Variants in DHX32 observed in about 807,000 individuals in gnomAD.
DHX32 encodes putative pre-mRNA-splicing factor ATP-dependent RNA helicase DHX32.
DHX32 carries 51 observed loss-of-function variants against 70.0 expected under a neutral mutation model. That is an observed-to-expected ratio of 0.73 (90% CI 0.58 to 0.92). The LOEUF (loss-of-function observed/expected upper bound fraction) is 0.92. Ranked by LOEUF, DHX32 falls within the 40% of genes least tolerant of loss-of-function variation. The pLI is 0.00. For missense variants in DHX32, 762 were observed against 891.8 expected (o/e 0.85, Z 1.85); for synonymous variants, 310 against 315.3 (o/e 0.98, Z 0.18).
At chr10:125,880,144 A>G (rs1944308452) in intron 1 of DHX32, among the ~76,000 whole-genome samples, 1 of 152,290 alleles carries the variant, frequency 6.6e-6, no homozygotes, top group South Asian at 2.1e-4. Context: ...GCACATCCAC[A>G]TATCTGGATT....
intron 6 of DHX32, among the ~76,000 whole-genome samples, chr10:125,846,782 A>T (rs1392209259): frequency 1.3e-5 from 2 of 152,198 alleles, no homozygotes; most frequent in African/African-American, 2.4e-5. Context: ...CAGCTTCTCA[A>T]ATAGAATCAA....
rs1944313390 is a variant in DHX32, at chr10:125,880,886, C to G, written c.-62G>C. 8 of 1,548,496 alleles carry G rather than the reference C, an allele frequency of 5.2e-6. No homozygotes were observed. Among genetic ancestry groups the G allele is most frequent in the Non-Finnish European group, 7.0e-6 (8 of 1,149,608 alleles). On this transcript the variant is annotated 5_prime_UTR_variant, in exon 1 of 11. Transcript: ENST00000284690. ...CAAGCAAGTTTCTCCTATCAGTAAC[C>G]CATTGCAAACAGGGCTTAAAAGCCT... is the stretch of plus-strand genomic sequence containing the variant.
rs1425617813 is a variant in DHX32 at position 125,859,669 on chromosome 10, G to A, written c.783C>T (p.Arg261=). Residue 261 remains arginine (R), a synonymous_variant, in exon 3 of 11, where the codon CGC becomes CGT. Transcript: ENST00000284690. ...CCGAGTGGTGAATTTCAAAGATAAG[G>A]CGTAAAATAGACTCAAAAGAATCCT... ...AQKDSFESIL[R]LIFEIHHSGE... is the part of the protein sequence containing the mutation. The A allele has an allele frequency of 6.2e-7, 1 of 1,612,770 alleles. No homozygotes were observed. The highest frequency in any genetic ancestry group is 8.5e-7 in the Non-Finnish European group (1 of 1,179,676).
Position 125,859,769 on chromosome 10 carries a change from TAAG to T in DHX32, c.680_682del (p.Ser227del). On this transcript the variant is annotated inframe_deletion, in exon 3 of 11. Coordinates refer to ENST00000284690, the MANE Select transcript of DHX32 (RefSeq NM_018180.3). Reference sequence around the variant, plus strand: ...TTCTATGACAGGCACGTTTCCATAATAAGAATTGAGTTTGCTGATCAGGTGAGG... The same window carrying T: ...TTCTATGACAGGCACGTTTCCATAATAATTGAGTTTGCTGATCAGGTGAGG... The T allele has an allele frequency of 6.2e-7, 1 of 1,614,088 alleles. No individual in the cohort carries two copies. Among genetic ancestry groups the T allele is most frequent in the Non-Finnish European group, 8.5e-7 (1 of 1,179,996 alleles).
At chr10:125,843,513 G>A (rs1854937030) in intron 6 of DHX32, among the ~76,000 whole-genome samples, 1 of 152,088 alleles carries the variant, frequency 6.6e-6, no homozygotes, top group Admixed American at 6.6e-5. Context: ...TCGGGAGGTT[G>A]AGGCAGGAGA....
chr10:125,838,408 G>A (rs1205506448), intron 9 of DHX32, 21 bp from the exon 10 acceptor site: 5 of 1,541,206 alleles, frequency 3.2e-6, no homozygotes, highest in African/African-American at 1.4e-5. Context: ...GAATTTTAAA[G>A]AAAAAAGATT....
intron 4 of DHX32, 101 bp from the exon 5 acceptor site, chr10:125,852,743 A>G (rs893794024): frequency 1.2e-5 from 13 of 1,040,984 alleles, no homozygotes; most frequent in Non-Finnish European, 1.1e-5. Context: ...TACTCCATGA[A>G]ATGCACTGCC....
chr10:125,891,353 C>CT lies in DHX32; in HGVS notation c.-248+4864dup, dbSNP rs33930520. Among the ~76,000 whole-genome samples the CT allele has an allele frequency of 1.2e-3, 167 of 134,728 alleles. 1 individual carries two copies. The highest frequency in any genetic ancestry group is 0.011 in the South Asian group (46 of 4,272). The allele number at this position is 134,728 out of a possible 152,430, so 88.4% of individuals were successfully genotyped here. A position where few individuals can be genotyped will look rare whatever the true frequency, so the allele number is the denominator to read the frequency against. On this transcript the variant is annotated intron_variant, in intron 1 of 2. Transcript: ENST00000415732. ...TGAACTTTTATCCATCTCTCTCTCT[C>CT]TTTTTTTTTTTAAGTATTTGCTTGA...
chr10:125,871,431 T>C (rs747341943), intron 1 of DHX32, among the ~76,000 whole-genome samples: 9 of 152,194 alleles, frequency 5.9e-5, no homozygotes, highest in Admixed American at 2.0e-4. Flanking sequence ...TGAGCAGAAG[T>C]CACAACAAAT....
At chr10:125,854,882 A>C (rs1324351991) in intron 3 of DHX32, 1 of 152,186 alleles carries the variant, frequency 6.6e-6, no homozygotes, top group Non-Finnish European at 1.5e-5. Context: ...CCATTCTTAT[A>C]ATTCTGATTA....
At position 125,892,298 on chromosome 10, in the gene DHX32, A is replaced by G. The variant is rs545336748; in HGVS notation, c.-248+3920T>C. Among the ~76,000 whole-genome samples, 90 of 152,394 alleles carry G rather than the reference A, an allele frequency of 5.9e-4. No homozygotes were observed. The South Asian group carries it at 8.1e-3, about 14-fold the overall frequency. On this transcript the variant is annotated intron_variant, in intron 1 of 2. Coordinates refer to the DHX32 transcript ENST00000415732. ...TCTCTTCATTTCTTCACTGAGCTTC[A>G]GCAACATCTCCAATTTTTTTGTCTC...
chr10:125,870,924 G>A (rs1044902253), intron 1 of DHX32, among the ~76,000 whole-genome samples: 4 of 152,152 alleles, frequency 2.6e-5, no homozygotes, highest in African/African-American at 9.7e-5. Context: ...ATGACAGTGG[G>A]CACTGCTTTA....
Position 125,880,804 on chromosome 10 carries a change from C to G in DHX32, c.21G>C (p.Glu7Asp), listed in dbSNP as rs746617110. The G allele has an allele frequency of 6.2e-7, 1 of 1,611,318 alleles. No homozygotes were observed. The highest frequency in any genetic ancestry group is 8.5e-7 in the Non-Finnish European group (1 of 1,179,102). MEEEGL[E>D]CPNSSSEKRY... Reference sequence around the variant, plus strand: ...GTTTTTCAGAGGAAGAGTTTGGACACTCCAGCCCTTCTTCTTCCATCTTGT... The same window carrying G: ...GTTTTTCAGAGGAAGAGTTTGGACAGTCCAGCCCTTCTTCTTCCATCTTGT... Residue 7 changes from glutamate (E) to aspartate (D), a missense_variant, in exon 1 of 11, where the codon GAG (glutamate) becomes GAC (aspartate). Glu to Asp is a conservative substitution (Grantham distance 45, BLOSUM62 2). Coordinates refer to ENST00000284690, the MANE Select transcript of DHX32 (RefSeq NM_018180.3).
At chr10:125,873,420 C>T (rs1330422907) in intron 1 of DHX32, among the ~76,000 whole-genome samples, 2 of 152,136 alleles carry the variant, frequency 1.3e-5, no homozygotes, top group Non-Finnish European at 2.9e-5. Context: ...ATCAGGACGT[C>T]CATCAGGGCC....
rs1854857532 is a variant in DHX32, at chr10:125,840,867, GT to G, written c.1672del (p.Thr558LeufsTer2). The G allele has an allele frequency of 1.3e-6, 2 of 1,598,700 alleles. No individual in the cohort carries two copies. Among genetic ancestry groups the G allele is most frequent in the Non-Finnish European group, 1.7e-6 (2 of 1,170,628 alleles). ...ISIYKAYQDT[T>X]LNSSSEYCVE... ...CTTACACTCACTGCTAGAATTCAGA[GT>G]TGTGTCTTGGTAAGCCTTGTAAATG... On this transcript the variant is annotated frameshift_variant, in exon 8 of 11. Coordinates refer to ENST00000284690, the MANE Select transcript of DHX32 (RefSeq NM_018180.3). LOFTEE classifies it high-confidence loss of function.
At chr10:125,880,026 G>T (rs558770219) in intron 1 of DHX32, among the ~76,000 whole-genome samples, 21 of 152,276 alleles carry the variant, frequency 1.4e-4, no homozygotes, top group African/African-American at 4.8e-4. Flanking sequence ...CAAAGTGTGT[G>T]GCCCCAGGCC....
intron 10 of DHX32, among the ~76,000 whole-genome samples, chr10:125,837,547 A>G (rs1485594587): frequency 6.6e-6 from 1 of 152,114 alleles, no homozygotes; most frequent in African/African-American, 2.4e-5. Context: ...CTGTCGCAGA[A>G]TCTCAAGTAG....
chr10:125,843,926 T>A (rs952702100), intron 6 of DHX32, among the ~76,000 whole-genome samples: 1 of 152,196 alleles, frequency 6.6e-6, no homozygotes, highest in African/African-American at 2.4e-5. Context: ...CATCCTTACC[T>A]TGGGGCAAAT....
intron 10 of DHX32, 27 bp downstream of exon 10, chr10:125,838,179 C>A: frequency 6.5e-7 from 1 of 1,527,938 alleles, no homozygotes; most frequent in South Asian, 1.3e-5. Flanking sequence ...AAAAAAAATA[C>A]AACCCTTTCT....
Sources: gnomAD v4.1 joint callset for allele counts (sites outside exome capture counted in the v4.1 genomes callset) on GRCh38, gnomAD v4.1.1 for gene constraint, MANE v1.5 for transcripts, NCBI Gene and HGNC (gene_info 2026-07-23, HGNC 2026-07-21) for gene names.